The following DIP2C variants were observed in gnomAD, a reference collection of about 807,000 sequenced individuals.
DIP2C encodes disco-interacting protein 2 homolog C.
In DIP2C, 33 loss-of-function variants were observed where a neutral mutation model predicts 192.4. The ratio of observed to expected loss-of-function variants is 0.17; its 90% CI spans 0.13 to 0.23. The LOEUF (loss-of-function observed/expected upper bound fraction) is 0.23. Among genes scored for constraint, DIP2C ranks in the 10% least tolerant of loss-of-function variants. DIP2C has a pLI of 1.00. For synonymous variants in DIP2C, 979 were observed against 864.1 expected, an observed-to-expected ratio of 1.13 and a Z score of -2.33; for missense variants, 1,537 against 2,110.1, an observed-to-expected ratio of 0.73 and a Z score of 5.32.
At chr10:481,460 C>G (rs746016619) in intron 2 of DIP2C, among the ~76,000 whole-genome samples, 2 of 152,174 alleles carry the variant, frequency 1.3e-5, no homozygotes, top group Non-Finnish European at 2.9e-5. Flanking sequence ...GCCAGAGCAG[C>G]TGTTCTCATG....
intron 1 of DIP2C, among the ~76,000 whole-genome samples, chr10:634,540 A>G (rs1854721438): frequency 6.6e-6 from 1 of 152,168 alleles, no homozygotes. Flanking sequence ...CAGGCCACCA[A>G]TTAGTACTTA....
intron 32 of DIP2C, among the ~76,000 whole-genome samples, chr10:290,406 A>G: frequency 6.6e-6 from 1 of 152,232 alleles, no homozygotes; most frequent in East Asian, 1.9e-4. Flanking sequence ...CCATGAGAAT[A>G]CCTAGAATTT....
chr10:625,767 A>ACTC (rs1477858058), intron 1 of DIP2C, among the ~76,000 whole-genome samples: 1 of 152,212 alleles, frequency 6.6e-6, no homozygotes. Flanking sequence ...ACAGGTGGGG[A>ACTC]GCCACTGCCT....
Position 348,680 on chromosome 10 carries a change from G to A in DIP2C, c.3192C>T (p.Asn1064=). 1.5e-5 allele frequency: 25 copies of A among 1,613,864 alleles called. No homozygotes were observed. The highest frequency in any genetic ancestry group is 4.5e-5 in the East Asian group (2 of 44,882). ...TGACGGTAGGCAACGTCGTCGCGAT[G>A]TTCTGTGGGTGCGGGGGACGGACGG... ...PITVRPPHPQ[N]IATTLPTVKM... Residue 1064 remains asparagine (N), a synonymous_variant, in exon 26 of 37, where the codon AAC becomes AAT. Coordinates refer to ENST00000280886, the MANE Select transcript of DIP2C (RefSeq NM_014974.3).
At chr10:439,724 T>TC (rs1377872646) in intron 4 of DIP2C, among the ~76,000 whole-genome samples, 1 of 149,010 alleles carries the variant, frequency 6.7e-6, no homozygotes. Flanking sequence ...AGGTGAATAC[T>TC]CAGGAGCTAC....
At chr10:425,085 G>A (rs1281446920) in intron 4 of DIP2C, among the ~76,000 whole-genome samples, 10 of 57,822 alleles carry the variant, frequency 1.7e-4, no homozygotes, top group African/African-American at 4.8e-4. Flanking sequence ...CATGACCAGC[G>A]GTGACTAATA....
chr10:620,235 T>G (rs1194822192), intron 1 of DIP2C, among the ~76,000 whole-genome samples: 1 of 152,236 alleles, frequency 6.6e-6, no homozygotes, highest in Non-Finnish European at 1.5e-5. Context: ...ATCTATTTTA[T>G]GGGAGTGTTT....
At chr10:332,444 C>G (rs1957546453) in intron 29 of DIP2C, among the ~76,000 whole-genome samples, 1 of 152,166 alleles carries the variant, frequency 6.6e-6, no homozygotes, top group African/African-American at 2.4e-5. Flanking sequence ...ATCTTGACAG[C>G]AGAAACAAAT....
At chr10:297,516 C>A (rs142981507) in intron 32 of DIP2C, among the ~76,000 whole-genome samples, 10 of 152,270 alleles carry the variant, frequency 6.6e-5, no homozygotes, top group Middle Eastern at 3.4e-3. Flanking sequence ...ATCCTGTCAT[C>A]TGCAGCAAGA....
chr10:356,231 T>G (rs1959072862), intron 24 of DIP2C, 195 bp downstream of exon 24: 2 of 670,260 alleles, frequency 3.0e-6, no homozygotes, highest in Non-Finnish European at 5.3e-6. Context: ...CACAAATAGG[T>G]GTAAATAACT....
At chr10:671,435 A>G (rs1295013144) in intron 1 of DIP2C, among the ~76,000 whole-genome samples, 1 of 139,378 alleles carries the variant, frequency 7.2e-6, no homozygotes, top group African/African-American at 2.7e-5. Context: ...AACGTCACAG[A>G]CGCACGGACG....
rs537084223 is a variant in DIP2C, at chr10:633,502, T to C, written c.85+55992A>G. Reference sequence around the variant, plus strand: ...AGTTCGAGCCACAGGTGGCCACGCCTCCCCTGCCTCCGGCCGGTGCCCACT... The same window carrying C: ...AGTTCGAGCCACAGGTGGCCACGCCCCCCCTGCCTCCGGCCGGTGCCCACT... On this transcript the variant is annotated intron_variant, in intron 1 of 36. Coordinates refer to ENST00000280886, the MANE Select transcript of DIP2C (RefSeq NM_014974.3). 2.0e-5 allele frequency among the ~76,000 whole-genome samples: 3 copies of C among 151,938 alleles called. No homozygotes were observed. In the East Asian group the frequency reaches 5.8e-4, roughly 29 times the overall value.
intron 1 of DIP2C, among the ~76,000 whole-genome samples, chr10:623,217 G>C (rs1244111509): frequency 6.6e-6 from 1 of 151,940 alleles, no homozygotes; most frequent in Non-Finnish European, 1.5e-5. Context: ...GTGTGCCGAG[G>C]GGATGCTGCA....
At chr10:399,543 C>T (rs1964249088) in intron 9 of DIP2C, among the ~76,000 whole-genome samples, 1 of 152,160 alleles carries the variant, frequency 6.6e-6, no homozygotes, top group Admixed American at 6.5e-5. Context: ...TAAATACTTC[C>T]TTGTATTTCT....
At chr10:609,680 G>C (rs551441226) in intron 1 of DIP2C, among the ~76,000 whole-genome samples, 2 of 152,260 alleles carry the variant, frequency 1.3e-5, no homozygotes, top group African/African-American at 4.8e-5. Context: ...TTCCTTCTTA[G>C]AAAATAAAAT....
chr10:413,074 T>A (rs1965290025), intron 8 of DIP2C, among the ~76,000 whole-genome samples: 1 of 152,166 alleles, frequency 6.6e-6, no homozygotes, highest in Non-Finnish European at 1.5e-5. Context: ...AGCCTCGACC[T>A]CCTCCTCCTG....
intron 1 of DIP2C, among the ~76,000 whole-genome samples, chr10:615,802 C>T (rs1853431949): frequency 6.6e-6 from 1 of 152,166 alleles, no homozygotes; most frequent in South Asian, 2.1e-4. Flanking sequence ...TGAGATTACA[C>T]TCCTCCAAAC....
chr10:590,543 G>A (rs1805462309), intron 1 of DIP2C, among the ~76,000 whole-genome samples: 1 of 152,178 alleles, frequency 6.6e-6, no homozygotes, highest in African/African-American at 2.4e-5. Context: ...AACGATGCAG[G>A]TGCCAGCTTT....
intron 10 of DIP2C, among the ~76,000 whole-genome samples, chr10:391,963 C>T (rs1044420060): frequency 3.3e-5 from 5 of 152,150 alleles, no homozygotes; most frequent in Non-Finnish European, 5.9e-5. Context: ...ACAGTGAAAA[C>T]GCCTCTCTGT....
Sources: gnomAD v4.1 joint callset for allele counts (sites outside exome capture counted in the v4.1 genomes callset) on GRCh38, gnomAD v4.1.1 for gene constraint, MANE v1.5 for transcripts, NCBI Gene and HGNC (gene_info 2026-07-23, HGNC 2026-07-21) for gene names.